The following MYO5A variants were observed in gnomAD, a reference collection of about 807,000 sequenced individuals.
MYO5A encodes the protein myosin VA.
In MYO5A, 98 loss-of-function variants were observed where a neutral mutation model predicts 249.7. The ratio of observed to expected loss-of-function variants is 0.39; its 90% CI spans 0.33 to 0.46. MYO5A has a LOEUF of 0.46. Ranked by LOEUF, MYO5A falls within the 20% of genes least tolerant of loss-of-function variation. The pLI is 0.98. For synonymous variants in MYO5A, 778 were observed against 810.6 expected (o/e 0.96, Z 0.68); for missense variants, 1,696 against 2,308.8 (o/e 0.73, Z 5.44).
chr15:52,528,016 G>T (rs1168562026), intron 1 of MYO5A, among the ~76,000 whole-genome samples: 2 of 152,158 alleles, frequency 1.3e-5, no homozygotes, highest in East Asian at 3.8e-4. Flanking sequence ...TTCAGAGATC[G>T]CCAGACCCTG....
At chr15:52,485,130 C>T (rs2076791008) in intron 1 of MYO5A, among the ~76,000 whole-genome samples, 1 of 151,988 alleles carries the variant, frequency 6.6e-6, no homozygotes, top group Admixed American at 6.6e-5. Context: ...GTATGTAAGT[C>T]ATTACAAATG....
At chr15:52,338,245 C>T (rs1026579159) in intron 32 of MYO5A, among the ~76,000 whole-genome samples, 4 of 146,382 alleles carry the variant, frequency 2.7e-5, no homozygotes, top group African/African-American at 5.0e-5. Context: ...TTTTTTTTGC[C>T]GCCAGCAGCA....
chr15:52,447,350 T>A (rs1407303185), intron 1 of MYO5A, among the ~76,000 whole-genome samples: 1 of 152,092 alleles, frequency 6.6e-6, no homozygotes, highest in Non-Finnish European at 1.5e-5. Flanking sequence ...CCTTCCACCA[T>A]GAGTGGAAGC....
intron 24 of MYO5A, among the ~76,000 whole-genome samples, chr15:52,363,056 A>G (rs1001101977): frequency 4.6e-5 from 7 of 152,202 alleles, no homozygotes; most frequent in Non-Finnish European, 7.3e-5. Flanking sequence ...CCACTTATTA[A>G]CATCCCAAAT....
rs2039115873 is a variant in MYO5A at position 52,336,342 on chromosome 15, A to C, written c.4408+121T>G. The C allele has an allele frequency of 1.0e-5, 7 of 684,670 alleles. No individual in the cohort carries two copies. In the South Asian group the frequency reaches 1.0e-4, roughly 10 times the overall value. 42.4% of individuals were successfully genotyped at this position (684,670 alleles called of 1,614,324 possible). On this transcript the variant is annotated intron_variant, in intron 34 of 41. Coordinates refer to ENST00000399233, the MANE Select transcript of MYO5A (RefSeq NM_001382347.1). ...AGAGGTTAGGTTTGCCAAAAGTCATATTTTGTTATTATCCCTAATATTTGC... is the reference window on the plus strand; with the variant it reads ...AGAGGTTAGGTTTGCCAAAAGTCATCTTTTGTTATTATCCCTAATATTTGC...
intron 25 of MYO5A, among the ~76,000 whole-genome samples, chr15:52,357,668 C>G (rs2040311314): frequency 6.6e-6 from 1 of 151,998 alleles, no homozygotes; most frequent in African/African-American, 2.4e-5. Context: ...CCGATGGTAC[C>G]CATTCTGAGC....
intron 1 of MYO5A, among the ~76,000 whole-genome samples, chr15:52,457,268 CCTATCTCTACAAAAAATACAAAAATT>C (rs1419495206): frequency 1.3e-5 from 2 of 151,822 alleles, no homozygotes; most frequent in African/African-American, 4.8e-5. Context: ...ATGGCGAAAC[CCTATCTCTACAAAAAATACAAAAATT>C]AGCCAGGTGT....
At position 52,379,824 on chromosome 15, in the gene MYO5A, T is replaced by A; in HGVS notation, c.2097A>T (p.Ser699=). 1 of 1,614,122 alleles carries A rather than the reference T, an allele frequency of 6.2e-7. No individual in the cohort carries two copies. Among genetic ancestry groups the A allele is most frequent in the Non-Finnish European group, 8.5e-7 (1 of 1,180,000 alleles). ...CATCTGAAAAATGCCAGGCTCACCG[T>A]GAGGGGAAACCGGCCGCACTGATTC... The part of the protein sequence containing the change: ...TIRISAAGFP[S]RWTYQEFFSR... Residue 699 remains serine (S), a splice_region_variant and synonymous_variant, in exon 17 of 42, where the codon TCA becomes TCT. Coordinates refer to ENST00000399233, the MANE Select transcript of MYO5A (RefSeq NM_001382347.1).
intron 27 of MYO5A, 31 bp downstream of exon 27, chr15:52,353,574 T>C: frequency 6.2e-7 from 1 of 1,603,464 alleles, no homozygotes; most frequent in Non-Finnish European, 8.5e-7. Context: ...AAACAAAATA[T>C]TCAAAGTCTT....
intron 9 of MYO5A, 116 bp downstream of exon 9, chr15:52,405,171 A>G (rs2042950585): frequency 1.0e-5 from 8 of 796,254 alleles, no homozygotes; most frequent in Non-Finnish European, 1.7e-5. Flanking sequence ...TGTCTTTGAT[A>G]ATTATGTTTC....
chr15:52,375,336 G>C lies in MYO5A; in HGVS notation c.2545C>G (p.Arg849Gly). The change falls in exon 20 of 42, where the codon CGA becomes GGA. Residue 849 changes from arginine (R) to glycine (G), a missense_variant. By Grantham distance (125) the Arg-to-Gly change is moderately radical (BLOSUM62 -2). Around this residue, in one of 5 missense-constraint regions of MYO5A, gnomAD observed 412 missense variants for 453.3 expected, o/e 0.91. Coordinates refer to ENST00000399233, the MANE Select transcript of MYO5A (RefSeq NM_001382347.1). ...AATIVLQSYL[R>G]GFLARNRYRK... is the part of the protein sequence containing the mutation. The stretch of plus-strand genomic sequence containing the variant: ...TACCTATTTCTGGCCAAGAAGCCTC[G>C]CAAGTAAGACTGAAGAACGATAGTG... 6.2e-7 allele frequency: 1 copy of C among 1,614,024 alleles called. No homozygotes were observed. The highest frequency in any genetic ancestry group is 2.2e-5 in the East Asian group (1 of 44,870).
chr15:52,421,381 C>T (rs981977610), intron 4 of MYO5A, among the ~76,000 whole-genome samples: 2 of 152,056 alleles, frequency 1.3e-5, no homozygotes, highest in Non-Finnish European at 2.9e-5. Context: ...AGACATAAGG[C>T]CACATAATGA....
At chr15:52,525,877 C>T (rs971365943) in intron 1 of MYO5A, among the ~76,000 whole-genome samples, 2 of 152,152 alleles carry the variant, frequency 1.3e-5, no homozygotes, top group African/African-American at 4.8e-5. Context: ...TTATTTATGC[C>T]CCTATAGATT....
At position 52,473,421 on chromosome 15, in the gene MYO5A, G is replaced by A. The variant is rs1366347285; in HGVS notation, c.28-40136C>T. On this transcript the variant is annotated intron_variant, in intron 1 of 41. Coordinates refer to ENST00000399233, the MANE Select transcript of MYO5A (RefSeq NM_001382347.1). ...TAATTAGATCCCATTTGTCAATTTT[G>A]GCTTTTGTTGCCATTGCTTTTGGTG... is the stretch of plus-strand genomic sequence containing the variant. Among the ~76,000 whole-genome samples the A allele has an allele frequency of 2.0e-5, 3 of 152,126 alleles. No homozygotes were observed. The East Asian group carries it at 5.8e-4, about 29-fold the overall frequency.
chr15:52,430,019 T>G (rs1283484541), intron 2 of MYO5A, among the ~76,000 whole-genome samples: 1 of 152,220 alleles, frequency 6.6e-6, no homozygotes, highest in Non-Finnish European at 1.5e-5. Context: ...GAATAAAAAT[T>G]CAATTTAGTT....
At chr15:52,371,860 A>C (rs2041134077) in intron 21 of MYO5A, among the ~76,000 whole-genome samples, 1 of 149,502 alleles carries the variant, frequency 6.7e-6, no homozygotes, top group African/African-American at 2.4e-5. Context: ...ACAGAGTGAG[A>C]CCCTGTCTCA....
chr15:52,445,456 G>C (rs944823391), intron 1 of MYO5A, among the ~76,000 whole-genome samples: 32 of 152,092 alleles, frequency 2.1e-4, no homozygotes, highest in African/African-American at 7.7e-4. Flanking sequence ...TTATAGCAAT[G>C]CAAGAATGAA....
At chr15:52,419,450 A>T (rs1306100997) in intron 4 of MYO5A, among the ~76,000 whole-genome samples, 1 of 152,160 alleles carries the variant, frequency 6.6e-6, no homozygotes, top group African/African-American at 2.4e-5. Flanking sequence ...CACTCATCAA[A>T]ATCAAGCTGC....
intron 20 of MYO5A, 147 bp downstream of exon 20, chr15:52,375,157 T>G: frequency 1.2e-6 from 1 of 847,542 alleles, no homozygotes; most frequent in Admixed American, 2.9e-5. Context: ...AAAAAGAATT[T>G]TTTAAAATAA....
Sources: gnomAD v4.1 joint callset for allele counts (sites outside exome capture counted in the v4.1 genomes callset) on GRCh38, gnomAD v4.1.1 for gene constraint, gnomAD v4.1.1 regional missense constraint, MANE v1.5 for transcripts, NCBI Gene and HGNC (gene_info 2026-07-23, HGNC 2026-07-21) for gene names.